Variants in SLC24A2 observed in about 807,000 individuals in gnomAD.
SLC24A2 encodes the protein sodium/potassium/calcium exchanger 2.
SLC24A2 carries 36 observed loss-of-function variants against 62.0 expected under a neutral mutation model. The ratio of observed to expected loss-of-function variants is 0.58; its 90% CI spans 0.44 to 0.77. The LOEUF (loss-of-function observed/expected upper bound fraction) is 0.77, where lower values mean the gene tolerates loss of function less well. Ranked by LOEUF, SLC24A2 falls within the 30% of genes least tolerant of loss-of-function variation. SLC24A2 has a pLI of 0.00. For synonymous variants in SLC24A2, 358 were observed against 294.0 expected (o/e 1.22, Z -2.23); for missense variants, 846 against 817.9 (o/e 1.03, Z -0.42).
chr9:20,068,409 T>C, the SLC24A2 span, among the ~76,000 whole-genome samples: 1 of 152,094 alleles, frequency 6.6e-6, no homozygotes, highest in Non-Finnish European at 1.5e-5. Context: ...TTTCACCCAA[T>C]TATTGTACCT....
chr9:19,581,539 C>T (rs1836210473), intron 5 of SLC24A2, among the ~76,000 whole-genome samples: 1 of 152,194 alleles, frequency 6.6e-6, no homozygotes, highest in South Asian at 2.1e-4. Flanking sequence ...ATACCCATTG[C>T]ATGTTTCAAT....
At chr9:20,307,853 C>T in the SLC24A2 span, among the ~76,000 whole-genome samples, 1 of 152,180 alleles carries the variant, frequency 6.6e-6, no homozygotes, top group Non-Finnish European at 1.5e-5. Flanking sequence ...GCTCTCTTTG[C>T]TCAGCTGCAG....
the SLC24A2 span, among the ~76,000 whole-genome samples, chr9:20,194,767 G>C: frequency 6.6e-6 from 1 of 151,208 alleles, no homozygotes; most frequent in Non-Finnish European, 1.5e-5. Flanking sequence ...ATTTCTATTT[G>C]ATTATTAAAT....
chr9:20,053,087 T>C, the SLC24A2 span, among the ~76,000 whole-genome samples: 3,807 of 152,290 alleles, frequency 0.025, 146 homozygotes, highest in African/African-American at 0.086. Context: ...AAGAGAGGTT[T>C]TCCTAATTTG....
chr9:20,146,150 G>A, the SLC24A2 span, among the ~76,000 whole-genome samples: 1 of 152,106 alleles, frequency 6.6e-6, no homozygotes, highest in Non-Finnish European at 1.5e-5. Flanking sequence ...AAAATGTAGA[G>A]TCCCAGAAAT....
At chr9:20,025,406 C>G in the SLC24A2 span, among the ~76,000 whole-genome samples, 2 of 151,730 alleles carry the variant, frequency 1.3e-5, no homozygotes, top group Non-Finnish European at 2.9e-5. Flanking sequence ...ATTGACTGGC[C>G]TAGAAGTAAT....
rs77339397 is a variant in SLC24A2 at position 19,659,575 on chromosome 9, T to G, written c.931-37276A>C. On this transcript the variant is annotated intron_variant, in intron 2 of 10. Coordinates refer to ENST00000341998, the MANE Select transcript of SLC24A2 (RefSeq NM_020344.4). ...GAAGGTAAAACTCAAACGCTTATCC[T>G]TTATAATAATACTAATAACAATCAT... Among the ~76,000 whole-genome samples the G allele has an allele frequency of 6.5e-3, 991 of 152,262 alleles. 23 individuals carry two copies. Among genetic ancestry groups the G allele is most frequent in the African/African-American group, 0.023 (937 of 41,566 alleles).
the SLC24A2 span, among the ~76,000 whole-genome samples, chr9:20,107,546 C>T: frequency 6.6e-6 from 1 of 152,142 alleles, no homozygotes; most frequent in Admixed American, 6.5e-5. Context: ...TGCCGCATAT[C>T]TACAACTATC....
At chr9:19,607,754 C>T (rs1397213212) in intron 4 of SLC24A2, among the ~76,000 whole-genome samples, 1 of 150,718 alleles carries the variant, frequency 6.6e-6, no homozygotes, top group Non-Finnish European at 1.5e-5. Flanking sequence ...AACTTTTTGG[C>T]CACATACCTT....
chr9:19,760,475 GT>G (rs1822285025), intron 2 of SLC24A2, among the ~76,000 whole-genome samples: 2 of 151,918 alleles, frequency 1.3e-5, no homozygotes, highest in South Asian at 4.2e-4. Flanking sequence ...CCATCAACCT[GT>G]CATCTACATT....
At chr9:19,651,877 G>A (rs1448979309) in intron 2 of SLC24A2, among the ~76,000 whole-genome samples, 7 of 152,074 alleles carry the variant, frequency 4.6e-5, no homozygotes, top group East Asian at 1.9e-4. Context: ...CAGCAGCTGC[G>A]CTCTTATAAC....
chr9:20,054,588 T>A, the SLC24A2 span, among the ~76,000 whole-genome samples: 754 of 152,268 alleles, frequency 5.0e-3, 6 homozygotes, highest in African/African-American at 0.017. Context: ...CCCCCTCCCA[T>A]GCTTCCCTCC....
chr9:20,234,899 T>A, the SLC24A2 span, among the ~76,000 whole-genome samples: 3 of 152,038 alleles, frequency 2.0e-5, no homozygotes, highest in Admixed American at 2.0e-4. Context: ...TACAGATGGG[T>A]TTTTGGTGTG....
chr9:19,720,906 G>A (rs1049629462), intron 2 of SLC24A2, among the ~76,000 whole-genome samples: 6 of 149,670 alleles, frequency 4.0e-5, no homozygotes, highest in Non-Finnish European at 7.4e-5. Context: ...GCTTCTACCA[G>A]CATCACATAT....
the SLC24A2 span, among the ~76,000 whole-genome samples, chr9:19,948,745 T>TGAGGCAGGAGAATGG: frequency 3.4e-5 from 5 of 145,680 alleles, no homozygotes; most frequent in South Asian, 1.1e-3. Flanking sequence ...CTCGGGAGGC[T>TGAGGCAGGAGAATGG]GAGGCAGGAG....
intron 4 of SLC24A2, among the ~76,000 whole-genome samples, chr9:19,616,410 G>T (rs1817769004): frequency 6.6e-6 from 1 of 152,166 alleles, no homozygotes; most frequent in Admixed American, 6.5e-5. Context: ...CTTGTCCGAG[G>T]TCACACAGCT....
the SLC24A2 span, among the ~76,000 whole-genome samples, chr9:19,840,037 C>T: frequency 6.6e-6 from 1 of 152,080 alleles, no homozygotes; most frequent in Non-Finnish European, 1.5e-5. Context: ...AGAATGTATA[C>T]CCATCATTAA....
At chr9:19,899,583 A>G in the SLC24A2 span, among the ~76,000 whole-genome samples, 1 of 152,338 alleles carries the variant, frequency 6.6e-6, no homozygotes, top group Admixed American at 6.5e-5. Context: ...ATAAGATATA[A>G]CAATGTCACA....
At chr9:19,571,727 C>G (rs551896001) in intron 7 of SLC24A2, among the ~76,000 whole-genome samples, 4 of 152,148 alleles carry the variant, frequency 2.6e-5, no homozygotes, top group Non-Finnish European at 5.9e-5. Context: ...TTTAAAATGC[C>G]TAATTAACAT....
Sources: allele counts gnomAD v4.1 joint callset (sites outside exome capture counted in the v4.1 genomes callset), GRCh38; gene constraint gnomAD v4.1.1; transcripts MANE v1.5; gene names NCBI Gene and HGNC (gene_info 2026-07-23, HGNC 2026-07-21).